The following ASTN1 variants were observed in gnomAD, a reference collection of about 807,000 sequenced individuals.
ASTN1 encodes the protein astrotactin 1.
In ASTN1, 41 loss-of-function variants were observed where a neutral mutation model predicts 140.7. The ratio of observed to expected loss-of-function variants is 0.29; its 90% CI spans 0.23 to 0.38. The LOEUF is 0.38. Ranked by LOEUF, ASTN1 falls within the 10% of genes least tolerant of loss-of-function variation. The probability of loss-of-function intolerance (pLI) is 1.00; values close to 1 mark genes in which losing one functional copy is unlikely to be tolerated. For missense variants in ASTN1, 1,479 were observed against 1,678.8 expected, an observed-to-expected ratio of 0.88 and a Z score of 2.08; for synonymous variants, 640 against 652.2, an observed-to-expected ratio of 0.98 and a Z score of 0.29.
intron 13 of ASTN1, among the ~76,000 whole-genome samples, chr1:176,945,210 T>C (rs995127861): frequency 9.9e-5 from 15 of 152,086 alleles, no homozygotes; most frequent in African/African-American, 2.9e-4. Context: ...TCCTTTACAC[T>C]CTTAAAAATA....
At chr1:177,114,257 T>A (rs973695057) in intron 1 of ASTN1, among the ~76,000 whole-genome samples, 1 of 152,324 alleles carries the variant, frequency 6.6e-6, no homozygotes, top group Non-Finnish European at 1.5e-5. Context: ...ATAAGGTTGA[T>A]GAACTGATTA....
intron 1 of ASTN1, among the ~76,000 whole-genome samples, chr1:177,148,142 G>C (rs529553756): frequency 6.6e-6 from 1 of 152,254 alleles, no homozygotes; most frequent in South Asian, 2.1e-4. Flanking sequence ...TTTCAGGCCG[G>C]GTGTGGTGGC....
At chr1:177,007,706 T>C (rs1002893055) in intron 8 of ASTN1, among the ~76,000 whole-genome samples, 1 of 152,174 alleles carries the variant, frequency 6.6e-6, no homozygotes, top group African/African-American at 2.4e-5. Context: ...GAGTCACTCA[T>C]TAGGGCACAT....
intron 21 of ASTN1, among the ~76,000 whole-genome samples, chr1:176,869,483 T>C (rs1391958829): frequency 1.3e-5 from 2 of 152,166 alleles, no homozygotes; most frequent in African/African-American, 4.8e-5. Context: ...TAACACTTTT[T>C]TGGAAAGTGC....
intron 8 of ASTN1, among the ~76,000 whole-genome samples, chr1:176,987,126 C>CAAGCAATT (rs1673944234): frequency 1.3e-5 from 2 of 152,164 alleles, no homozygotes; most frequent in African/African-American, 4.8e-5. Context: ...CCTCTCACAA[C>CAAGCAATT]AAGCAATTAC....
chr1:177,115,056 G>A (rs1681013763), intron 1 of ASTN1, among the ~76,000 whole-genome samples: 1 of 152,032 alleles, frequency 6.6e-6, no homozygotes, highest in African/African-American at 2.4e-5. Flanking sequence ...AAGGGGGTAG[G>A]GGACCAAGAA....
chr1:177,035,462 T>C lies in ASTN1; in HGVS notation c.472-2613A>G, dbSNP rs1399821867. Among the ~76,000 whole-genome samples, 3 of 152,158 alleles carry C rather than the reference T, an allele frequency of 2.0e-5. No individual in the cohort carries two copies. The East Asian group carries it at 5.8e-4, about 29-fold the overall frequency. ...AAATGCACATCTAGCTGACAGTGGGTCAAAGGAGGAGCTATCATAAACAAA... is the reference window on the plus strand; with the variant it reads ...AAATGCACATCTAGCTGACAGTGGGCCAAAGGAGGAGCTATCATAAACAAA... On this transcript the variant is annotated intron_variant, in intron 2 of 22. Transcript: ENST00000361833.
rs896870694 is a variant in ASTN1 at position 176,861,941 on chromosome 1, T to G, written c.*2343A>C. On this transcript the variant is annotated 3_prime_UTR_variant, in exon 23 of 23. Transcript: ENST00000361833. ...TCTGATACCTGCTTCACCCTCTCCC[T>G]GGCCTGTCAACTCCCACATCATCCA... is the stretch of plus-strand genomic sequence containing the variant. 1 of 985,450 alleles carries G rather than the reference T, an allele frequency of 1.0e-6. No individual in the cohort carries two copies. Among genetic ancestry groups the G allele is most frequent in the Non-Finnish European group, 1.2e-6 (1 of 830,056 alleles). 61.0% of individuals were successfully genotyped at this position (985,450 alleles called of 1,614,324 possible). A position where few individuals can be genotyped will look rare whatever the true frequency, so the allele number is the denominator to read the frequency against.
rs572027018 is a variant in ASTN1, at chr1:176,862,646, G to T, written c.*1638C>A. ...ACACTGAAACTCAGTGTGAGTTACA[G>T]TGCACAAGGGATTTGAGGCAAGTTG... On this transcript the variant is annotated 3_prime_UTR_variant, in exon 23 of 23. Transcript: ENST00000361833. 1 of 952,242 alleles carries T rather than the reference G, an allele frequency of 1.1e-6. No individual in the cohort carries two copies. Among genetic ancestry groups the T allele is most frequent in the Admixed American group, 6.2e-5 (1 of 16,242 alleles). 59.0% of individuals were successfully genotyped at this position (952,242 alleles called of 1,614,324 possible).
At chr1:176,956,174 G>C (rs1300809726) in intron 11 of ASTN1, among the ~76,000 whole-genome samples, 1 of 152,108 alleles carries the variant, frequency 6.6e-6, no homozygotes, top group African/African-American at 2.4e-5. Context: ...GCATTTTCCT[G>C]ACAGACCTTC....
rs570313429 is a variant in ASTN1, at chr1:177,118,136, G to C, written c.283+46258C>G. On this transcript the variant is annotated intron_variant, in intron 1 of 22. Coordinates refer to ENST00000361833, the MANE Select transcript of ASTN1 (RefSeq NM_004319.3). Reference sequence around the variant, plus strand: ...CCTGGAAATAGGACTTGTTCTTTTTGATATTTATATTCCCACCACAGTACC... The same window carrying C: ...CCTGGAAATAGGACTTGTTCTTTTTCATATTTATATTCCCACCACAGTACC... Among the ~76,000 whole-genome samples the C allele has an allele frequency of 2.2e-4, 33 of 152,204 alleles. No homozygotes were observed. In the South Asian group the frequency reaches 6.8e-3, roughly 32 times the overall value.
intron 16 of ASTN1, among the ~76,000 whole-genome samples, chr1:176,897,274 CAAAAAA>C (rs56828059): frequency 2.3e-5 from 1 of 44,148 alleles, no homozygotes; most frequent in Non-Finnish European, 4.1e-5. Context: ...GACTCCGTCT[CAAAAAA>C]AAAAAAAAAA....
rs571591881 is a variant in ASTN1, at chr1:177,092,135, C to A, written c.284-30870G>T. 2.6e-5 allele frequency among the ~76,000 whole-genome samples: 4 copies of A among 152,232 alleles called. No homozygotes were observed. The South Asian group carries it at 8.3e-4, about 32-fold the overall frequency. On this transcript the variant is annotated intron_variant, in intron 1 of 22. Transcript: ENST00000361833. ...TCCCACCAGCAAGGTACAAGATTTT[C>A]AATTTCTCCACATCCTCCACCACAT...
chr1:176,925,812 C>CT (rs10658674), intron 16 of ASTN1, among the ~76,000 whole-genome samples: 7,934 of 142,464 alleles, frequency 0.056, 284 homozygotes, highest in African/African-American at 0.091. Flanking sequence ...TAAAGGCATT[C>CT]TTTTTTTTTT....
downstream of ASTN1, chr1:176,857,350 C>T: frequency 2.6e-6 from 1 of 386,450 alleles, no homozygotes; most frequent in Non-Finnish European, 4.6e-6. Context: ...TTAATCAAGA[C>T]CTAGTCAGGA....
intron 16 of ASTN1, among the ~76,000 whole-genome samples, chr1:176,897,584 T>C (rs890222431): frequency 6.6e-6 from 1 of 151,966 alleles, no homozygotes; most frequent in Non-Finnish European, 1.5e-5. Flanking sequence ...AAAAAATGGA[T>C]AAATCTCACT....
At chr1:176,976,883 T>C (rs1195320335) in intron 8 of ASTN1, 1 of 152,256 alleles carries the variant, frequency 6.6e-6, no homozygotes, top group East Asian at 1.9e-4. Flanking sequence ...AGCTTGGCAA[T>C]GGACCTGTGC....
intron 1 of ASTN1, among the ~76,000 whole-genome samples, chr1:177,089,710 C>T (rs959831122): frequency 6.6e-6 from 1 of 152,086 alleles, no homozygotes; most frequent in African/African-American, 2.4e-5. Flanking sequence ...ACCACCTGCA[C>T]GTCACCCTCC....
At chr1:177,093,651 C>A (rs1160099454) in intron 1 of ASTN1, among the ~76,000 whole-genome samples, 1 of 152,132 alleles carries the variant, frequency 6.6e-6, no homozygotes. Flanking sequence ...CTGCACACAC[C>A]CTCAAGACTG....
Sources: gnomAD v4.1 joint callset for allele counts (sites outside exome capture counted in the v4.1 genomes callset) on GRCh38, gnomAD v4.1.1 for gene constraint, MANE v1.5 for transcripts, NCBI Gene and HGNC (gene_info 2026-07-23, HGNC 2026-07-21) for gene names.